Variants in LRRC49 observed in about 807,000 individuals in gnomAD.
The protein encoded by LRRC49 is leucine rich repeat containing 49, also known as leucine-rich repeat-containing protein 49.
Under a neutral mutation model 83.3 loss-of-function variants are expected in LRRC49, and 50 were observed. The observed-to-expected ratio is 0.60, with a 90% confidence interval of 0.48 to 0.76. LRRC49 has a LOEUF of 0.76. Among genes scored for constraint, LRRC49 ranks in the 30% least tolerant of loss-of-function variants. The pLI is 0.00. For synonymous variants in LRRC49, 286 were observed against 283.3 expected, an observed-to-expected ratio of 1.01 and a Z score of -0.10; for missense variants, 704 against 809.1, an observed-to-expected ratio of 0.87 and a Z score of 1.58.
chr15:70,973,779 A>C (rs1430507721), intron 9 of LRRC49, among the ~76,000 whole-genome samples: 2 of 152,174 alleles, frequency 1.3e-5, no homozygotes, highest in African/African-American at 4.8e-5. Context: ...AAATTCCACA[A>C]ATTGTGACAG....
At position 70,963,823 on chromosome 15, in the gene LRRC49, T is replaced by G; in HGVS notation, c.812T>G (p.Leu271Arg). ...SVSCLADSSS[L>R]SDITFDGNPI... is the part of the protein sequence containing the mutation. Reference sequence around the variant, plus strand: ...TCCTGCCTTGCTGACTCTTCTTCCCTCTCGGACATCACCTTTGATGGCAAT... The same window carrying G: ...TCCTGCCTTGCTGACTCTTCTTCCCGCTCGGACATCACCTTTGATGGCAAT... The change falls in exon 9 of 16, where the codon CTC (leucine) becomes CGC (arginine). Residue 271 changes from leucine to arginine, a missense_variant. Around this residue, in one of 3 missense-constraint regions of LRRC49, gnomAD observed 261 missense variants for 330.5 expected, o/e 0.79. Coordinates refer to ENST00000260382, the MANE Select transcript of LRRC49 (RefSeq NM_017691.5). The G allele has an allele frequency of 6.2e-7, 1 of 1,613,618 alleles. No homozygotes were observed. Among genetic ancestry groups the G allele is most frequent in the African/African-American group, 1.3e-5 (1 of 75,018 alleles).
intron 2 of LRRC49, among the ~76,000 whole-genome samples, chr15:70,883,764 C>T (rs1339247218): frequency 3.3e-5 from 5 of 151,532 alleles, no homozygotes; most frequent in East Asian, 2.0e-4. Context: ...AAGCAATTGT[C>T]GTGCCTCAGC....
intron 2 of LRRC49, among the ~76,000 whole-genome samples, chr15:70,873,753 C>G (rs1022859694): frequency 1.3e-5 from 2 of 152,066 alleles, no homozygotes; most frequent in Admixed American, 1.3e-4. Flanking sequence ...GAGGACAAGC[C>G]CAGGGCTCAA....
chr15:70,932,893 C>T (rs2035462950), intron 7 of LRRC49, among the ~76,000 whole-genome samples: 1 of 151,986 alleles, frequency 6.6e-6, no homozygotes, highest in Non-Finnish European at 1.5e-5. Context: ...CCGTGCCTGG[C>T]TAATTTTTGT....
At chr15:70,935,917 A>G (rs1420226973) in intron 7 of LRRC49, among the ~76,000 whole-genome samples, 1 of 152,158 alleles carries the variant, frequency 6.6e-6, no homozygotes, top group African/African-American at 2.4e-5. Flanking sequence ...GGTGAATAAT[A>G]AAGTTGTAGA....
At chr15:70,864,614 C>T (rs11072226) in intron 1 of LRRC49, among the ~76,000 whole-genome samples, 82,106 of 152,010 alleles carry the variant, frequency 0.54, 23,067 homozygotes, top group Admixed American at 0.69. Context: ...GTTTCAGATG[C>T]GTGACATGCT....
chr15:70,991,466 C>T (rs942860214), intron 11 of LRRC49, among the ~76,000 whole-genome samples: 3 of 152,200 alleles, frequency 2.0e-5, no homozygotes, highest in Non-Finnish European at 4.4e-5. Flanking sequence ...CTGCCATATA[C>T]TTGAAATCAT....
At chr15:71,029,542 G>C (rs1383602577) in intron 14 of LRRC49, among the ~76,000 whole-genome samples, 1 of 152,074 alleles carries the variant, frequency 6.6e-6, no homozygotes, top group African/African-American at 2.4e-5. Flanking sequence ...AGGTTCGCTT[G>C]GTCCAGAGCT....
At chr15:70,854,089 G>T in intron 1 of LRRC49, 1 of 1,300,680 alleles carries the variant, frequency 7.7e-7, no homozygotes, top group Non-Finnish European at 9.8e-7. Context: ...ACTGGGCCAT[G>T]GCTCGCGGGA....
chr15:70,895,078 A>G (rs1170081343), intron 2 of LRRC49, among the ~76,000 whole-genome samples: 1 of 152,114 alleles, frequency 6.6e-6, no homozygotes, highest in East Asian at 1.9e-4. Context: ...CTGAGAAAAT[A>G]CCTTTAGGTC....
At chr15:70,931,564 T>C (rs1029340362) in intron 7 of LRRC49, among the ~76,000 whole-genome samples, 1 of 152,178 alleles carries the variant, frequency 6.6e-6, no homozygotes, top group African/African-American at 2.4e-5. Context: ...AAAAGCACAA[T>C]ATCTGCAAAG....
rs751044746 is a variant in LRRC49, at chr15:71,012,933, G to GT, written c.1703+26dup. The stretch of plus-strand genomic sequence containing the variant: ...TGCCAGGTAACCTTTAATTTTTGTA[G>GT]TTTTTTATAGAATTACTGTTACACT... On this transcript the variant is annotated intron_variant, in intron 14 of 15. Transcript: ENST00000260382. 6.8e-6 allele frequency: 10 copies of GT among 1,472,738 alleles called. No homozygotes were observed. The highest frequency in any genetic ancestry group is 2.8e-5 in the African/African-American group (2 of 71,136). The allele number at this position is 1,472,738 out of a possible 1,614,324, so 91.2% of individuals were successfully genotyped here.
At chr15:70,867,978 G>A (rs1038942475) in intron 1 of LRRC49, among the ~76,000 whole-genome samples, 2 of 152,136 alleles carry the variant, frequency 1.3e-5, no homozygotes, top group Admixed American at 6.5e-5. Context: ...CGGCAGCTCC[G>A]TTTCTGGGTA....
At chr15:71,032,210 G>A (rs757067282) in intron 14 of LRRC49, among the ~76,000 whole-genome samples, 3 of 152,258 alleles carry the variant, frequency 2.0e-5, no homozygotes, top group African/African-American at 4.8e-5. Context: ...AGTCCCTCAC[G>A]GCTTCCCTTG....
At chr15:70,863,107 G>A (rs1047250099) in intron 1 of LRRC49, among the ~76,000 whole-genome samples, 4 of 152,224 alleles carry the variant, frequency 2.6e-5, no homozygotes, top group African/African-American at 9.6e-5. Context: ...GTGGTCCTTT[G>A]TGCCAATAGT....
chr15:71,006,926 G>A (rs1374732491), intron 11 of LRRC49, among the ~76,000 whole-genome samples: 1 of 151,998 alleles, frequency 6.6e-6, no homozygotes, highest in East Asian at 1.9e-4. Context: ...GGAACTAATT[G>A]TTAAGTTAGT....
chr15:70,981,891 C>CTTT (rs11339326), intron 10 of LRRC49, among the ~76,000 whole-genome samples: 4 of 112,064 alleles, frequency 3.6e-5, no homozygotes, highest in Non-Finnish European at 7.4e-5. Flanking sequence ...TTTGCTTCTT[C>CTTT]TTTTTTTTTT....
chr15:70,869,515 G>T (rs2032984186), intron 1 of LRRC49, among the ~76,000 whole-genome samples: 1 of 152,124 alleles, frequency 6.6e-6, no homozygotes, highest in African/African-American at 2.4e-5. Context: ...AGAAACTAGG[G>T]CTAGACAGCT....
chr15:70,875,207 C>G (rs1313048761), intron 2 of LRRC49, among the ~76,000 whole-genome samples: 2 of 152,168 alleles, frequency 1.3e-5, no homozygotes, highest in Non-Finnish European at 2.9e-5. Flanking sequence ...CCCAGCAGTT[C>G]TTTGGTGCTT....
Sources: allele counts gnomAD v4.1 joint callset (sites outside exome capture counted in the v4.1 genomes callset), GRCh38; gene constraint gnomAD v4.1.1; regional missense constraint gnomAD v4.1.1; transcripts MANE v1.5; gene names NCBI Gene and HGNC (gene_info 2026-07-23, HGNC 2026-07-21).